The following PACRG variants were observed in gnomAD, a reference collection of about 807,000 sequenced individuals.
PACRG encodes parkin coregulated gene protein.
In PACRG, 29 loss-of-function variants were observed where a neutral mutation model predicts 29.7. That is an observed-to-expected ratio of 0.98 (90% confidence interval 0.73 to 1.33). The LOEUF (loss-of-function observed/expected upper bound fraction) is 1.33, where lower values mean the gene tolerates loss of function less well. Ranked by LOEUF, PACRG falls within the 40% of genes most tolerant of loss-of-function variation. The pLI is 0.00. For synonymous variants in PACRG, 116 were observed against 118.7 expected (o/e 0.98, Z 0.15); for missense variants, 279 against 316.2 (o/e 0.88, Z 0.89).
chr6:163,206,208 T>G (rs1249592361), intron 4 of PACRG, among the ~76,000 whole-genome samples: 1 of 152,160 alleles, frequency 6.6e-6, no homozygotes, highest in Non-Finnish European at 1.5e-5. Context: ...ATCTCCTTAT[T>G]GGGTATATAC....
intron 4 of PACRG, among the ~76,000 whole-genome samples, chr6:163,118,919 A>G (rs975508891): frequency 1.6e-4 from 25 of 152,240 alleles, no homozygotes; most frequent in Admixed American, 1.6e-3. Flanking sequence ...TGAAAACAGA[A>G]CACATAAAGC....
chr6:162,800,941 G>A (rs1785801815), intron 1 of PACRG, among the ~76,000 whole-genome samples: 1 of 152,104 alleles, frequency 6.6e-6, no homozygotes, highest in African/African-American at 2.4e-5. Flanking sequence ...GAGGCTGCAA[G>A]GGTCCAATCC....
Position 162,937,813 on chromosome 6 carries a change from G to A in PACRG, c.291+123532G>A, listed in dbSNP as rs368184929. Among the ~76,000 whole-genome samples, 33 of 152,060 alleles carry A rather than the reference G, an allele frequency of 2.2e-4. 1 individual carries two copies. In the East Asian group the frequency reaches 6.2e-3, roughly 28 times the overall value. ...CGGTTGGACCAAAACTTCAAATCTA[G>A]GAAGTGAAAATTTGAGAAAAGTATA... On this transcript the variant is annotated intron_variant, in intron 2 of 4. Transcript: ENST00000366888.
chr6:162,729,139 G>A (rs978030117), intron 1 of PACRG, among the ~76,000 whole-genome samples: 1 of 152,104 alleles, frequency 6.6e-6, no homozygotes, highest in African/African-American at 2.4e-5. Context: ...CTGCATGATA[G>A]TATATATTTT....
intron 4 of PACRG, among the ~76,000 whole-genome samples, chr6:163,280,419 C>T (rs541316518): frequency 1.3e-5 from 2 of 148,952 alleles, no homozygotes; most frequent in African/African-American, 5.2e-5. Flanking sequence ...CTGTGCACCA[C>T]CCCATAGGCA....
chr6:162,922,172 G>A (rs1381850829), intron 2 of PACRG, among the ~76,000 whole-genome samples: 1 of 151,292 alleles, frequency 6.6e-6, no homozygotes, highest in East Asian at 1.9e-4. Context: ...TTATCAGCAT[G>A]TAGGTTAACT....
chr6:163,120,125 CTG>C (rs960028728), intron 4 of PACRG, among the ~76,000 whole-genome samples: 1 of 152,008 alleles, frequency 6.6e-6, no homozygotes, highest in Non-Finnish European at 1.5e-5. Context: ...GGGGGAAAGG[CTG>C]TGTTTTGTGT....
chr6:163,175,667 G>T (rs568086465), intron 4 of PACRG, among the ~76,000 whole-genome samples: 95 of 151,900 alleles, frequency 6.3e-4, no homozygotes, highest in African/African-American at 2.3e-3. Flanking sequence ...TGGAACCAGG[G>T]TTTCCTGAGG....
At chr6:163,245,546 G>A (rs1782661581) in intron 4 of PACRG, among the ~76,000 whole-genome samples, 1 of 152,140 alleles carries the variant, frequency 6.6e-6, no homozygotes, top group Non-Finnish European at 1.5e-5. Flanking sequence ...AATGGATCAC[G>A]GGGTTCATAG....
intron 2 of PACRG, among the ~76,000 whole-genome samples, chr6:162,884,874 G>T (rs1794199937): frequency 6.6e-6 from 1 of 152,118 alleles, no homozygotes. Context: ...GATTTCAGGG[G>T]CCCAAGCTCA....
At chr6:162,928,251 A>G (rs576485795) in intron 2 of PACRG, among the ~76,000 whole-genome samples, 21 of 152,024 alleles carry the variant, frequency 1.4e-4, no homozygotes, top group African/African-American at 4.3e-4. Flanking sequence ...GGTAGGTTAT[A>G]TGTGCCGAGA....
chr6:162,880,343 CACTT>C (rs2128012255), intron 2 of PACRG, among the ~76,000 whole-genome samples: 2 of 152,312 alleles, frequency 1.3e-5, no homozygotes, highest in Admixed American at 1.3e-4. Context: ...AGAGAATGAT[CACTT>C]ACGTGGCATT....
chr6:163,061,771 A>G (rs1447836881), intron 2 of PACRG, among the ~76,000 whole-genome samples: 3 of 151,890 alleles, frequency 2.0e-5, no homozygotes, highest in African/African-American at 7.3e-5. Context: ...AGCTGTTTTT[A>G]TTTCTTTCAT....
chr6:162,969,733 C>T (rs1421218275), intron 2 of PACRG, among the ~76,000 whole-genome samples: 1 of 152,180 alleles, frequency 6.6e-6, no homozygotes, highest in Non-Finnish European at 1.5e-5. Context: ...TAGGTCTCAG[C>T]TTAAATGTCA....
At chr6:162,814,399 A>T in intron 2 of PACRG, 118 bp downstream of exon 2, 1 of 1,320,540 alleles carries the variant, frequency 7.6e-7, no homozygotes, top group Admixed American at 2.3e-5. Context: ...CACATGGAAG[A>T]TGGTGGGAAA....
intron 4 of PACRG, among the ~76,000 whole-genome samples, chr6:163,122,132 T>C (rs551300670): frequency 4.5e-4 from 69 of 152,160 alleles, no homozygotes; most frequent in Non-Finnish European, 8.5e-4. Flanking sequence ...TCTAGTTCCA[T>C]TGAGAAGAGT....
chr6:163,278,804 T>G (rs978312991), intron 4 of PACRG, among the ~76,000 whole-genome samples: 1 of 152,224 alleles, frequency 6.6e-6, no homozygotes, highest in African/African-American at 2.4e-5. Context: ...TTATTCTTGC[T>G]TTGCTTATGT....
At chr6:162,732,530 G>T (rs1779849243) in intron 1 of PACRG, among the ~76,000 whole-genome samples, 1 of 152,126 alleles carries the variant, frequency 6.6e-6, no homozygotes, top group East Asian at 1.9e-4. Context: ...AAGGAATATT[G>T]GGGGATAATT....
chr6:162,935,991 C>T (rs1285624414), intron 2 of PACRG, among the ~76,000 whole-genome samples: 1 of 152,138 alleles, frequency 6.6e-6, no homozygotes, highest in African/African-American at 2.4e-5. Flanking sequence ...ATACCCAAGA[C>T]TGGGCAATTT....
Sources: gnomAD v4.1 joint callset for allele counts (sites outside exome capture counted in the v4.1 genomes callset) on GRCh38, gnomAD v4.1.1 for gene constraint, MANE v1.5 for transcripts, NCBI Gene and HGNC (gene_info 2026-07-23, HGNC 2026-07-21) for gene names.